Variants in HES1 observed in about 807,000 individuals in gnomAD.
The protein encoded by HES1 is hes family bHLH transcription factor 1.
In HES1, 7 loss-of-function variants were observed where a neutral mutation model predicts 21.0. The ratio of observed to expected loss-of-function variants is 0.33; its 90% CI spans 0.19 to 0.63. The LOEUF is 0.63. Ranked by LOEUF, HES1 falls within the 20% of genes least tolerant of loss-of-function variation. The pLI is 0.78. For synonymous variants in HES1, 169 were observed against 171.2 expected, an observed-to-expected ratio of 0.99 and a Z score of 0.10; for missense variants, 338 against 389.8, an observed-to-expected ratio of 0.87 and a Z score of 1.12.
Position 194,138,117 on chromosome 3 carries a change from CCT to C in HES1, c.728_729del (p.Pro243ArgfsTer74). 6.2e-7 allele frequency: 1 copy of C among 1,612,658 alleles called. No individual in the cohort carries two copies. Among genetic ancestry groups the C allele is most frequent in the Non-Finnish European group, 8.5e-7 (1 of 1,179,618 alleles). ...CAACGGGGCCTTCGCGCACAGCGGC[CCT>C]GTCATCCCCGTCTACACCAGCAACA... ...IPNGAFAHSG[P>X]VIPVYTSNSG... On this transcript the variant is annotated frameshift_variant, in exon 4 of 4. Transcript: ENST00000232424. LOFTEE classifies it high-confidence loss of function.
In HES1 at chr3:194,137,998, G is replaced by T. The variant is rs759832570; in HGVS notation, c.608G>T (p.Cys203Phe). Reference protein sequence around the residue: ...GAAPPPGGAPCKLGSQAGEAA... With the variant: ...GAAPPPGGAPFKLGSQAGEAA... ...GCGCCCCCTCCCGGCGGCGCCCCCT[G>T]CAAGCTGGGCAGCCAGGCTGGAGAG... The change falls in exon 4 of 4, where the codon TGC becomes TTC. Residue 203 changes from cysteine (C) to phenylalanine (F), a missense_variant. Cys to Phe is a radical substitution (Grantham distance 205). Coordinates refer to ENST00000232424, the MANE Select transcript of HES1 (RefSeq NM_005524.4). The surrounding 1 kb of genome is among the most constrained non-coding windows in gnomAD (Gnocchi z 5.4). The T allele has an allele frequency of 6.4e-5, 94 of 1,476,586 alleles. No individual in the cohort carries two copies. Among genetic ancestry groups the T allele is most frequent in the Non-Finnish European group, 8.3e-5 (92 of 1,107,300 alleles). The allele number at this position is 1,476,586 out of a possible 1,614,324, so 91.5% of individuals were successfully genotyped here.
chr3:194,138,286 C>T lies in HES1; in HGVS notation c.*53C>T. ...ACTCCCCAACCCACCTCTCTTCCCTCCGGACTCTAAACAGGAACTTGAATA... is the reference window on the plus strand; with the variant it reads ...ACTCCCCAACCCACCTCTCTTCCCTTCGGACTCTAAACAGGAACTTGAATA... On this transcript the variant is annotated 3_prime_UTR_variant, in exon 4 of 4. Transcript: ENST00000232424. 6.9e-7 allele frequency: 1 copy of T among 1,447,280 alleles called. No individual in the cohort carries two copies. The highest frequency in any genetic ancestry group is 9.1e-7 in the Non-Finnish European group (1 of 1,098,244). 89.7% of individuals were successfully genotyped at this position (1,447,280 alleles called of 1,614,324 possible).
chr3:194,136,359 TAAAAAA>T lies in HES1; in HGVS notation c.-11_-6del. The T allele has an allele frequency of 4.3e-6, 5 of 1,164,958 alleles. No homozygotes were observed. Among genetic ancestry groups the T allele is most frequent in the South Asian group, 1.5e-5 (1 of 64,950 alleles). The allele number at this position is 1,164,958 out of a possible 1,614,324, so 72.2% of individuals were successfully genotyped here. ...CTCCAAAAATAAAATTCTCTAGAGA[TAAAAAA>T]AAAAAAAAAAGGAAAATGCCAGCTG... On this transcript the variant is annotated 5_prime_UTR_variant, in exon 1 of 4. Coordinates refer to ENST00000232424, the MANE Select transcript of HES1 (RefSeq NM_005524.4).
At position 194,136,368 on chromosome 3, in the gene HES1, A is replaced by G. The variant is rs551535737; in HGVS notation, c.-13A>G. 4.6e-6 allele frequency: 7 copies of G among 1,508,330 alleles called. No individual in the cohort carries two copies. The South Asian group carries it at 8.9e-5, about 19-fold the overall frequency. The allele number at this position is 1,508,330 out of a possible 1,614,324, so 93.4% of individuals were successfully genotyped here. A position where few individuals can be genotyped will look rare whatever the true frequency, so the allele number is the denominator to read the frequency against. On this transcript the variant is annotated 5_prime_UTR_variant, in exon 1 of 4. Transcript: ENST00000232424. ...TAAAATTCTCTAGAGATAAAAAAAA[A>G]AAAAAAAGGAAAATGCCAGCTGATA...
chr3:194,136,919 C>T, intron 2 of HES1, 42 bp from the exon 3 acceptor site: 1 of 1,580,762 alleles, frequency 6.3e-7, no homozygotes. Flanking sequence ...TCTGAAGCAG[C>T]TGACACGGGG....
rs1715401461 is a variant in HES1 at position 194,138,397 on chromosome 3, T to C, written c.*164T>C. On this transcript the variant is annotated 3_prime_UTR_variant, in exon 4 of 4. Coordinates refer to ENST00000232424, the MANE Select transcript of HES1 (RefSeq NM_005524.4). ...AAGTTACTTTTTGTAGAGAGAGCTG[T>C]ATTAAGTGACTGACCATGCACTATA... 2 of 617,092 alleles carry C rather than the reference T, an allele frequency of 3.2e-6. No individual in the cohort carries two copies. The highest frequency in any genetic ancestry group is 5.1e-6 in the Non-Finnish European group (2 of 390,264). 38.2% of individuals were successfully genotyped at this position (617,092 alleles called of 1,614,324 possible).
At position 194,137,757 on chromosome 3, in the gene HES1, C is replaced by G; in HGVS notation, c.367C>G (p.Arg123Gly). 1 of 1,613,838 alleles carries G rather than the reference C, an allele frequency of 6.2e-7. No homozygotes were observed. Among genetic ancestry groups the G allele is most frequent in the Non-Finnish European group, 8.5e-7 (1 of 1,179,936 alleles). The part of the protein sequence containing the change: ...GFSECMNEVT[R>G]FLSTCEGVNT... ...CAGCGAGTGCATGAACGAGGTGACCCGCTTCCTGTCCACGTGCGAGGGCGT... is the reference window on the plus strand; with the variant it reads ...CAGCGAGTGCATGAACGAGGTGACCGGCTTCCTGTCCACGTGCGAGGGCGT... Residue 123 changes from arginine (R) to glycine (G), a missense_variant, in exon 4 of 4, where the codon CGC (arginine) becomes GGC (glycine). Transcript: ENST00000232424. This position sits in a 1 kb window ranked among gnomAD's most constrained non-coding sequence, Gnocchi z 5.4.
rs760767161 is a variant in HES1 at position 194,138,100 on chromosome 3, C to T, written c.710C>T (p.Ala237Val). 3 of 1,612,348 alleles carry T rather than the reference C, an allele frequency of 1.9e-6. No homozygotes were observed. The Admixed American group carries it at 5.0e-5, about 27-fold the overall frequency. Residue 237 changes from alanine (A) to valine (V), a missense_variant, in exon 4 of 4, where the codon GCC (alanine) becomes GTC (valine). By Grantham distance (64) the Ala-to-Val change is moderately conservative. Transcript: ENST00000232424. ...TTTGCTTTCCTCATTCCCAACGGGG[C>T]CTTCGCGCACAGCGGCCCTGTCATC... ...GQFAFLIPNGAFAHSGPVIPV... is the reference protein window; with the variant it reads ...GQFAFLIPNGVFAHSGPVIPV...
At position 194,138,724 on chromosome 3, in the gene HES1, A is replaced by G. The variant is rs1013674810; in HGVS notation, c.*491A>G. The G allele has an allele frequency of 3.3e-4, 50 of 152,408 alleles. No homozygotes were observed. Among genetic ancestry groups the G allele is most frequent in the Non-Finnish European group, 8.8e-5 (6 of 68,148 alleles). The allele number at this position is 152,408 out of a possible 1,614,324, so 9.4% of individuals were successfully genotyped here. On this transcript the variant is annotated 3_prime_UTR_variant, in exon 4 of 4. Transcript: ENST00000232424. The stretch of plus-strand genomic sequence containing the variant: ...CTTTTGTTATTAAAAGAACATTTGT[A>G]AAAATCCATCAAACTTTTCACCAAT...
chr3:194,137,325 C>T lies in HES1; in HGVS notation c.292+277C>T, dbSNP rs1715370024. On this transcript the variant is annotated intron_variant, in intron 3 of 3. Transcript: ENST00000232424. The surrounding 1 kb of genome is among the most constrained non-coding windows in gnomAD (Gnocchi z 5.4). ...GTGGCGGTTTGGAACTGCGTGGAGC[C>T]TGGGGGTCACTGGTTTAGCACTCCT... 11 of 582,950 alleles carry T rather than the reference C, an allele frequency of 1.9e-5. No homozygotes were observed. In the South Asian group the frequency reaches 2.0e-4, roughly 11 times the overall value. The allele number at this position is 582,950 out of a possible 1,614,324, so 36.1% of individuals were successfully genotyped here.
Position 194,137,427 on chromosome 3 carries a change from T to G in HES1, c.293-256T>G, listed in dbSNP as rs1472789300. On this transcript the variant is annotated intron_variant, in intron 3 of 3. Coordinates refer to ENST00000232424, the MANE Select transcript of HES1 (RefSeq NM_005524.4). The surrounding 1 kb of genome is among the most constrained non-coding windows in gnomAD (Gnocchi z 5.4). Reference sequence around the variant, plus strand: ...TCCAAGGTCACATCGCGCGCGGGGGTGGGGGTGACAGATCTGGGGCTGAGA... The same window carrying G: ...TCCAAGGTCACATCGCGCGCGGGGGGGGGGGTGACAGATCTGGGGCTGAGA... The G allele has an allele frequency of 1.1e-5, 6 of 551,932 alleles. No individual in the cohort carries two copies. Among genetic ancestry groups the G allele is most frequent in the African/African-American group, 3.9e-5 (2 of 51,556 alleles). The allele number at this position is 551,932 out of a possible 1,614,324, so 34.2% of individuals were successfully genotyped here.
At position 194,136,713 on chromosome 3, in the gene HES1, G is replaced by A. The variant is rs773063884; in HGVS notation, c.204+1G>A. 6.2e-7 allele frequency: 1 copy of A among 1,607,232 alleles called. No homozygotes were observed. Among genetic ancestry groups the A allele is most frequent in the Non-Finnish European group, 8.5e-7 (1 of 1,173,592 alleles). Reference sequence around the variant, plus strand: ...GATTTTGGATGCTCTGAAGAAAGATGTAAGTGGGGAAATGCTGCTCGCTCT... The same window carrying A: ...GATTTTGGATGCTCTGAAGAAAGATATAAGTGGGGAAATGCTGCTCGCTCT... On this transcript the variant is annotated splice_donor_variant, in intron 2 of 3. Coordinates refer to ENST00000232424, the MANE Select transcript of HES1 (RefSeq NM_005524.4). LOFTEE classifies it high-confidence loss of function.
In HES1 at chr3:194,138,400, T is replaced by A; in HGVS notation, c.*167T>A. The A allele has an allele frequency of 1.7e-6, 1 of 583,474 alleles. No individual in the cohort carries two copies. 36.1% of individuals were successfully genotyped at this position (583,474 alleles called of 1,614,324 possible). A position where few individuals can be genotyped will look rare whatever the true frequency, so the allele number is the denominator to read the frequency against. On this transcript the variant is annotated 3_prime_UTR_variant, in exon 4 of 4. Coordinates refer to ENST00000232424, the MANE Select transcript of HES1 (RefSeq NM_005524.4). ...TTACTTTTTGTAGAGAGAGCTGTAT[T>A]AAGTGACTGACCATGCACTATATTT...
In HES1 at chr3:194,136,997, C is replaced by A; in HGVS notation, c.241C>A (p.Leu81Met). ...TTCCAAGCTGGAGAAGGCGGACATT[C>A]TGGAAATGACAGTGAAGCACCTCCG... ...RHSKLEKADI[L>M]EMTVKHLRNL... Residue 81 changes from leucine to methionine, a missense_variant, in exon 3 of 4, where the codon CTG (leucine) becomes ATG (methionine). Leu to Met is a conservative substitution (Grantham distance 15, BLOSUM62 2). Coordinates refer to ENST00000232424, the MANE Select transcript of HES1 (RefSeq NM_005524.4). 1.9e-6 allele frequency: 3 copies of A among 1,614,254 alleles called. No individual in the cohort carries two copies. The highest frequency in any genetic ancestry group is 2.5e-6 in the Non-Finnish European group (3 of 1,180,042).
At chr3:194,136,772 A>C (rs1560223075) in intron 2 of HES1, 60 bp downstream of exon 2, 3 of 1,502,972 alleles carry the variant, frequency 2.0e-6, no homozygotes, top group Non-Finnish European at 2.8e-6. Context: ...CTCAGCTACT[A>C]AGAGTGAAAC....
In HES1 at chr3:194,136,950, A is replaced by C. The variant is rs2108588590; in HGVS notation, c.205-11A>C. 6.2e-7 allele frequency: 1 copy of C among 1,613,378 alleles called. No individual in the cohort carries two copies. Among genetic ancestry groups the C allele is most frequent in the Non-Finnish European group, 8.5e-7 (1 of 1,179,364 alleles). ...CGGGGCTCACTTTCCTTTCTTGCCT[A>C]CTCTATGCAGAGCTCGCGGCATTCC... On this transcript the variant is annotated splice_polypyrimidine_tract_variant and intron_variant, in intron 2 of 3. Transcript: ENST00000232424.
Position 194,137,183 on chromosome 3 carries a change from G to A in HES1, c.292+135G>A. ...CCTTGGCTCACTCTTGCGTTCCCAC[G>A]GTCTGGGGCTTATTTATAGCCACAA... On this transcript the variant is annotated intron_variant, in intron 3 of 3. Coordinates refer to ENST00000232424, the MANE Select transcript of HES1 (RefSeq NM_005524.4). The surrounding 1 kb of genome is among the most constrained non-coding windows in gnomAD (Gnocchi z 5.4). The A allele has an allele frequency of 2.8e-6, 2 of 715,926 alleles. No homozygotes were observed. Among genetic ancestry groups the A allele is most frequent in the South Asian group, 1.6e-5 (1 of 60,664 alleles). The allele number at this position is 715,926 out of a possible 1,614,324, so 44.3% of individuals were successfully genotyped here.
Position 194,137,068 on chromosome 3 carries a change from T to TC in HES1, c.292+25dup. 1 of 1,605,086 alleles carries TC rather than the reference T, an allele frequency of 6.2e-7. No homozygotes were observed. Among genetic ancestry groups the TC allele is most frequent in the Non-Finnish European group, 8.5e-7 (1 of 1,172,268 alleles). Reference sequence around the variant, plus strand: ...TGACGGGTGAGGGCGGCTCGCCGCGTCCCCCTGTGCGGGCGTCCCGCTCGC... The same window carrying TC: ...TGACGGGTGAGGGCGGCTCGCCGCGTCCCCCCTGTGCGGGCGTCCCGCTCGC... On this transcript the variant is annotated intron_variant, in intron 3 of 3. Coordinates refer to ENST00000232424, the MANE Select transcript of HES1 (RefSeq NM_005524.4). The surrounding 1 kb of genome is among the most constrained non-coding windows in gnomAD (Gnocchi z 5.4).
chr3:194,137,288 G>C lies in HES1; in HGVS notation c.292+240G>C. On this transcript the variant is annotated intron_variant, in intron 3 of 3. Coordinates refer to ENST00000232424, the MANE Select transcript of HES1 (RefSeq NM_005524.4). This position sits in a 1 kb window ranked among gnomAD's most constrained non-coding sequence, Gnocchi z 5.4. ...TGGCGGGCGCCGGGTAGGGGCGAAA[G>C]GACTTAGGACTGTGGCGGTTTGGAA... 1 of 595,338 alleles carries C rather than the reference G, an allele frequency of 1.7e-6. No individual in the cohort carries two copies. The highest frequency in any genetic ancestry group is 2.0e-5 in the South Asian group (1 of 50,428). 36.9% of individuals were successfully genotyped at this position (595,338 alleles called of 1,614,324 possible). A position where few individuals can be genotyped will look rare whatever the true frequency, so the allele number is the denominator to read the frequency against.
Sources: allele counts gnomAD v4.1 joint callset, GRCh38; gene constraint gnomAD v4.1.1; non-coding constraint Gnocchi (gnomAD v3.1); transcripts MANE v1.5; gene names NCBI Gene and HGNC (gene_info 2026-07-23, HGNC 2026-07-21).